DCT: variants seen among roughly 807,000 people sequenced by gnomAD.
DCT encodes L-dopachrome tautomerase.
DCT carries 47 observed loss-of-function variants against 53.0 expected under a neutral mutation model. That is an observed-to-expected ratio of 0.89 (90% CI 0.70 to 1.13). The LOEUF is 1.13. DCT is among the 50% of genes most tolerant of loss of function. The pLI is 0.00. For synonymous variants in DCT, 244 were observed against 237.0 expected, an observed-to-expected ratio of 1.03 and a Z score of -0.27; for missense variants, 669 against 637.4, an observed-to-expected ratio of 1.05 and a Z score of -0.53.
chr13:94,529,227 T>C, the DCT span, among the ~76,000 whole-genome samples: 1 of 152,150 alleles, frequency 6.6e-6, no homozygotes, highest in East Asian at 1.9e-4. Context: ...ATTAGACAGA[T>C]CAATGAGACA....
the DCT span, among the ~76,000 whole-genome samples, chr13:94,519,234 A>C: frequency 1.3e-5 from 2 of 152,190 alleles, no homozygotes; most frequent in African/African-American, 4.8e-5. Flanking sequence ...GATTCATTTA[A>C]TGTATCTCAC....
the DCT span, among the ~76,000 whole-genome samples, chr13:94,535,732 T>TA: frequency 6.6e-6 from 1 of 152,236 alleles, no homozygotes; most frequent in African/African-American, 2.4e-5. Flanking sequence ...GGCATCTTTC[T>TA]AATTGCAGAG....
At chr13:94,507,124 T>G in the DCT span, among the ~76,000 whole-genome samples, 1 of 152,208 alleles carries the variant, frequency 6.6e-6, no homozygotes, top group Non-Finnish European at 1.5e-5. Context: ...ATGCCATGCT[T>G]AATCAGAAAA....
At chr13:94,543,895 C>T in the DCT span, among the ~76,000 whole-genome samples, 1 of 151,986 alleles carries the variant, frequency 6.6e-6, no homozygotes, top group Non-Finnish European at 1.5e-5. Flanking sequence ...ATTAGCTGGG[C>T]ATGGTGGTGG....
chr13:94,480,955 C>G (rs1292217952), upstream of DCT, among the ~76,000 whole-genome samples: 1 of 152,226 alleles, frequency 6.6e-6, no homozygotes, highest in Admixed American at 6.5e-5. Context: ...GGCCAGAAGT[C>G]TAAAATGAAG....
upstream of DCT, among the ~76,000 whole-genome samples, chr13:94,483,126 T>G (rs1210702050): frequency 6.6e-6 from 1 of 150,784 alleles, no homozygotes; most frequent in Non-Finnish European, 1.5e-5. Flanking sequence ...ATACAAAAAT[T>G]AGCTGGGCAT....
At chr13:94,456,040 C>T (rs1452653373) in intron 6 of DCT, among the ~76,000 whole-genome samples, 1 of 152,058 alleles carries the variant, frequency 6.6e-6, no homozygotes, top group Non-Finnish European at 1.5e-5. Context: ...GAGACGATAG[C>T]CAGAAAAAAT....
At chr13:94,540,250 A>C in the DCT span, among the ~76,000 whole-genome samples, 4 of 152,358 alleles carry the variant, frequency 2.6e-5, no homozygotes, top group East Asian at 7.7e-4. Flanking sequence ...CAAATCGTGG[A>C]ATAGATGCTC....
rs1177519247 is a variant in DCT at position 94,479,227 on chromosome 13, A to G, written c.29T>C (p.Leu10Pro). The G allele has an allele frequency of 6.3e-7, 1 of 1,596,650 alleles. No homozygotes were observed. The highest frequency in any genetic ancestry group is 1.7e-5 in the Admixed American group (1 of 59,446). Residue 10 changes from leucine to proline, a missense_variant, in exon 1 of 8, where the codon CTC becomes CCC. Leu to Pro is a moderately conservative substitution (Grantham distance 98). Transcript: ENST00000377028. The stretch of plus-strand genomic sequence containing the variant: ...CAGGATTTTGCAGCCCAAGCAACTG[A>G]GCAGAAACCCCCACCAAAGGGGGCT... MSPLWWGFLLSCLGCKILPG... is the reference protein window; with the variant it reads MSPLWWGFLPSCLGCKILPG...
the DCT span, among the ~76,000 whole-genome samples, chr13:94,510,246 G>T: frequency 5.3e-5 from 8 of 152,160 alleles, no homozygotes; most frequent in African/African-American, 1.9e-4. Context: ...GGTCCCACCT[G>T]CAGGTTTCCT....
chr13:94,531,407 T>C, the DCT span, among the ~76,000 whole-genome samples: 1 of 152,150 alleles, frequency 6.6e-6, no homozygotes, highest in South Asian at 2.1e-4. Context: ...AAGGCTACAG[T>C]AACCAAAACA....
chr13:94,441,901 T>C (rs1023512904), intron 7 of DCT, among the ~76,000 whole-genome samples: 1 of 152,150 alleles, frequency 6.6e-6, no homozygotes, highest in African/African-American at 2.4e-5. Context: ...ATTTGTTCCA[T>C]TTTTTTGAGG....
At chr13:94,440,260 G>T (rs536251659) in intron 7 of DCT, among the ~76,000 whole-genome samples, 184 bp from the exon 8 acceptor site, 69 of 152,132 alleles carry the variant, frequency 4.5e-4, no homozygotes, top group Middle Eastern at 3.4e-3. Context: ...GTTTTTCTTG[G>T]GGTAGTCAGA....
At chr13:94,481,524 A>G (rs373302250), upstream of DCT, among the ~76,000 whole-genome samples, 9 of 152,280 alleles carry the variant, frequency 5.9e-5, no homozygotes, top group South Asian at 1.2e-3. Context: ...TTAAGATAAA[A>G]TTTCTTGGAT....
At chr13:94,481,462 C>T (rs551871013), upstream of DCT, among the ~76,000 whole-genome samples, 4 of 152,288 alleles carry the variant, frequency 2.6e-5, no homozygotes, top group South Asian at 8.3e-4. Flanking sequence ...AGCATTGTGA[C>T]ACTTGGGAAT....
At chr13:94,461,954 A>ACAGG in intron 5 of DCT, 56 bp downstream of exon 5, 1 of 1,476,700 alleles carries the variant, frequency 6.8e-7, no homozygotes, top group Non-Finnish European at 9.2e-7. Context: ...CTTTACAATC[A>ACAGG]CAGGCATGAA....
intron 6 of DCT, among the ~76,000 whole-genome samples, chr13:94,445,935 G>T (rs1221401525): frequency 6.6e-6 from 1 of 152,140 alleles, no homozygotes; most frequent in Non-Finnish European, 1.5e-5. Context: ...AGTGTTGGGG[G>T]GCTAGAGATG....
chr13:94,523,811 C>T, the DCT span, among the ~76,000 whole-genome samples: 7 of 152,122 alleles, frequency 4.6e-5, no homozygotes, highest in South Asian at 6.2e-4. Flanking sequence ...TATACAATAG[C>T]GTGCTTAAAT....
At chr13:94,506,283 C>A in the DCT span, among the ~76,000 whole-genome samples, 1 of 152,246 alleles carries the variant, frequency 6.6e-6, no homozygotes, top group South Asian at 2.1e-4. Flanking sequence ...TTAAAACAAC[C>A]TAGGCTCTTG....
Sources: gnomAD v4.1 joint callset for allele counts (sites outside exome capture counted in the v4.1 genomes callset) on GRCh38, gnomAD v4.1.1 for gene constraint, MANE v1.5 for transcripts, NCBI Gene and HGNC (gene_info 2026-07-23, HGNC 2026-07-21) for gene names.